The following DYSF variants were observed in gnomAD, a reference collection of about 807,000 sequenced individuals.
DYSF encodes dystrophy-associated fer-1-like 1.
A neutral mutation model predicts 274.9 loss-of-function variants in DYSF; 212 were observed. That is an observed-to-expected ratio of 0.77 (90% CI 0.69 to 0.86). DYSF has a LOEUF of 0.86. Ranked by LOEUF, DYSF falls within the 40% of genes least tolerant of loss-of-function variation. The pLI is 0.00. For synonymous variants in DYSF, 1,091 were observed against 1,078.7 expected (o/e 1.01, Z -0.22); for missense variants, 2,666 against 2,783.2 (o/e 0.96, Z 0.95).
intron 3 of DYSF, among the ~76,000 whole-genome samples, chr2:71,485,905 C>T (rs2083320790): frequency 1.3e-5 from 2 of 152,172 alleles, no homozygotes; most frequent in African/African-American, 4.8e-5. Context: ...CCTCCGCCTC[C>T]TGGGTTCAAG....
chr2:71,539,689 C>A (rs1414727228), intron 17 of DYSF, among the ~76,000 whole-genome samples: 1 of 152,170 alleles, frequency 6.6e-6, no homozygotes, highest in Non-Finnish European at 1.5e-5. Flanking sequence ...CCCCTCCGGA[C>A]AAGAACTATT....
In DYSF at chr2:71,686,336, G is replaced by T. The variant is rs1377467490; in HGVS notation, c.6322-118G>T. 6 of 1,301,320 alleles carry T rather than the reference G, an allele frequency of 4.6e-6. No individual in the cohort carries two copies. In the East Asian group the frequency reaches 1.4e-4, roughly 30 times the overall value. 80.6% of individuals were successfully genotyped at this position (1,301,320 alleles called of 1,614,324 possible). A position where few individuals can be genotyped will look rare whatever the true frequency, so the allele number is the denominator to read the frequency against. ...GAAGAGCCACGAGCGTCCTCTCCCA[G>T]CCTCTTGCCTGTTGGCAGCTTAGCC... is the stretch of plus-strand genomic sequence containing the variant. On this transcript the variant is annotated intron_variant, in intron 55 of 55. Transcript: ENST00000410020.
chr2:71,471,475 C>T (rs1204844468), intron 1 of DYSF, among the ~76,000 whole-genome samples: 1 of 152,126 alleles, frequency 6.6e-6, no homozygotes, highest in African/African-American at 2.4e-5. Flanking sequence ...GGGGAGGTCC[C>T]CCACACCAAC....
chr2:71,686,025 G>A (rs1026010703), intron 55 of DYSF, among the ~76,000 whole-genome samples: 5 of 152,172 alleles, frequency 3.3e-5, no homozygotes, highest in Admixed American at 1.3e-4. Flanking sequence ...GCTGCCATGT[G>A]GGGGAGGACC....
At chr2:71,599,711 C>T (rs900189907) in intron 33 of DYSF, among the ~76,000 whole-genome samples, 1 of 152,148 alleles carries the variant, frequency 6.6e-6, no homozygotes. Flanking sequence ...CTGGAGGTGG[C>T]GGTGGGATGA....
At chr2:71,531,195 C>T (rs1266324667) in intron 14 of DYSF, among the ~76,000 whole-genome samples, 1 of 152,000 alleles carries the variant, frequency 6.6e-6, no homozygotes, top group African/African-American at 2.4e-5. Context: ...CCTGCACCAC[C>T]CTGGAGAGAA....
In DYSF at chr2:71,520,961, A is replaced by G. The variant is rs983612672; in HGVS notation, c.1149+57A>G. On this transcript the variant is annotated intron_variant, in intron 12 of 55. Coordinates refer to ENST00000410020, the MANE Select transcript of DYSF (RefSeq NM_001130987.2). ...TCCCCCACGCGGCACTTGGTTGCGG[A>G]GGCACCAAACCACAAACAAAAACTC... is the stretch of plus-strand genomic sequence containing the variant. The G allele has an allele frequency of 4.7e-6, 7 of 1,475,724 alleles. No individual in the cohort carries two copies. In the Admixed American group the frequency reaches 1.2e-4, roughly 25 times the overall value. 91.4% of individuals were successfully genotyped at this position (1,475,724 alleles called of 1,614,324 possible).
chr2:71,639,169 TG>T (rs1025717938), intron 41 of DYSF, among the ~76,000 whole-genome samples: 7 of 152,210 alleles, frequency 4.6e-5, no homozygotes, highest in African/African-American at 1.7e-4. Flanking sequence ...ATTTTTAAAT[TG>T]GATGATTTGT....
chr2:71,461,930 T>G (rs984084219), upstream of DYSF, among the ~76,000 whole-genome samples: 2 of 152,226 alleles, frequency 1.3e-5, no homozygotes, highest in African/African-American at 4.8e-5. Flanking sequence ...CTAAGTAGTC[T>G]TAAGGGGATC....
chr2:71,518,683 C>T (rs1460969111), intron 10 of DYSF, among the ~76,000 whole-genome samples: 1 of 152,134 alleles, frequency 6.6e-6, no homozygotes, highest in African/African-American at 2.4e-5. Flanking sequence ...TCCCCTCTAT[C>T]CAAGTATATC....
At chr2:71,585,862 C>A (rs530833524) in intron 30 of DYSF, among the ~76,000 whole-genome samples, 1 of 152,014 alleles carries the variant, frequency 6.6e-6, no homozygotes, top group Admixed American at 6.5e-5. Context: ...AAATTCAGGG[C>A]GAAGTGGGAG....
intron 47 of DYSF, 71 bp from the exon 48 acceptor site, chr2:71,667,305 G>A: frequency 1.2e-6 from 2 of 1,608,890 alleles, no homozygotes; most frequent in Non-Finnish European, 1.7e-6. Flanking sequence ...TGCTCAGCCT[G>A]TTCACTGGGC....
chr2:71,677,994 A>G (rs1177940240), intron 52 of DYSF, among the ~76,000 whole-genome samples: 1 of 152,238 alleles, frequency 6.6e-6, no homozygotes, highest in Admixed American at 6.5e-5. Context: ...CAGGTTAAAT[A>G]TAACTTATCT....
intron 41 of DYSF, among the ~76,000 whole-genome samples, chr2:71,643,311 C>A (rs2094516189): frequency 6.6e-6 from 1 of 152,180 alleles, no homozygotes; most frequent in African/African-American, 2.4e-5. Flanking sequence ...GGATGTCACA[C>A]AGAAAATTTG....
At chr2:71,675,756 A>C (rs999748091) in intron 52 of DYSF, among the ~76,000 whole-genome samples, 12 of 152,258 alleles carry the variant, frequency 7.9e-5, no homozygotes, top group African/African-American at 2.9e-4. Context: ...TAATCTCACC[A>C]CCCAATTTCT....
At chr2:71,522,956 G>C (rs1467777407) in intron 12 of DYSF, among the ~76,000 whole-genome samples, 3 of 152,110 alleles carry the variant, frequency 2.0e-5, no homozygotes, top group Non-Finnish European at 2.9e-5. Context: ...AGGAGTTTGA[G>C]GTCCAGCTCC....
Position 71,528,316 on chromosome 2 carries a change from A to G in DYSF, c.1295A>G (p.Asp432Gly), listed in dbSNP as rs2088208920. 4 of 1,614,084 alleles carry G rather than the reference A, an allele frequency of 2.5e-6. No homozygotes were observed. The highest frequency in any genetic ancestry group is 3.4e-6 in the Non-Finnish European group (4 of 1,179,988). The change falls in exon 14 of 56, where the codon GAC becomes GGC. Residue 432 changes from aspartate to glycine, a missense_variant. Around this residue, in one of 3 missense-constraint regions of DYSF, gnomAD observed 794 missense variants for 777.1 expected, o/e 1.02. Coordinates refer to ENST00000410020, the MANE Select transcript of DYSF (RefSeq NM_001130987.2). ...DLPQMDDAVM[D>G]NVKQIFGFES... ...TTCCCAGTGGACGATGCCGTGATGG[A>G]CAACGTGAAACAGATCTTTGGCTTC... is the stretch of plus-strand genomic sequence containing the variant.
intron 39 of DYSF, 122 bp from the exon 40 acceptor site, chr2:71,613,212 A>G (rs1376193870): frequency 2.4e-6 from 2 of 838,114 alleles, no homozygotes; most frequent in Non-Finnish European, 4.0e-6. Flanking sequence ...AGAGATACCG[A>G]CTGAGAAATG....
chr2:71,478,716 G>A (rs765899368), intron 1 of DYSF, among the ~76,000 whole-genome samples: 1 of 152,062 alleles, frequency 6.6e-6, no homozygotes, highest in African/African-American at 2.4e-5. Context: ...GAATCTCTGC[G>A]GGACTCACTA....
Sources: allele counts gnomAD v4.1 joint callset (sites outside exome capture counted in the v4.1 genomes callset), GRCh38; gene constraint gnomAD v4.1.1; regional missense constraint gnomAD v4.1.1; transcripts MANE v1.5; gene names NCBI Gene and HGNC (gene_info 2026-07-23, HGNC 2026-07-21).